PAK5: variants seen among roughly 807,000 people sequenced by gnomAD.
The protein encoded by PAK5 is serine/threonine-protein kinase PAK 5.
Under a neutral mutation model 65.9 loss-of-function variants are expected in PAK5, and 16 were observed. The ratio of observed to expected loss-of-function variants is 0.24; its 90% CI spans 0.16 to 0.37. The LOEUF is 0.37. PAK5 is among the 10% of genes least tolerant of loss of function. PAK5 has a pLI of 1.00. For synonymous variants in PAK5, 371 were observed against 354.9 expected (o/e 1.05, Z -0.51); for missense variants, 785 against 903.9 (o/e 0.87, Z 1.69).
At chr20:9,743,712 G>A (rs1370063810) in intron 1 of PAK5, among the ~76,000 whole-genome samples, 1 of 152,128 alleles carries the variant, frequency 6.6e-6, no homozygotes, top group African/African-American at 2.4e-5. Context: ...ACAACAATGT[G>A]CTAGAAACAA....
intron 7 of PAK5, among the ~76,000 whole-genome samples, chr20:9,546,726 C>T (rs780759892): frequency 6.6e-6 from 1 of 152,102 alleles, no homozygotes; most frequent in Non-Finnish European, 1.5e-5. Context: ...AGGTAAGAAC[C>T]GGGAGTTGCT....
At chr20:9,563,116 T>C in intron 5 of PAK5, 92 bp from the exon 6 acceptor site, 1 of 1,093,012 alleles carries the variant, frequency 9.1e-7, no homozygotes, top group Non-Finnish European at 1.4e-6. Flanking sequence ...GTAAACTGAT[T>C]GAGAGGTACT....
chr20:9,816,870 C>G (rs906446150), intron 1 of PAK5, among the ~76,000 whole-genome samples: 1 of 152,144 alleles, frequency 6.6e-6, no homozygotes, highest in Non-Finnish European at 1.5e-5. Context: ...GTAACCATTA[C>G]TATGCAGATG....
chr20:9,664,772 G>A (rs2423395), intron 2 of PAK5, among the ~76,000 whole-genome samples: 77,680 of 151,824 alleles, frequency 0.51, 21,582 homozygotes, highest in East Asian at 0.81. Context: ...GTTACATATT[G>A]TAGCCTCATA....
chr20:9,762,475 A>C (rs182105556), intron 1 of PAK5, among the ~76,000 whole-genome samples: 2 of 152,234 alleles, frequency 1.3e-5, no homozygotes, highest in African/African-American at 4.8e-5. Context: ...GAACAGATAT[A>C]TCTCCACAGA....
At chr20:9,540,790 G>C (rs2045249354) in intron 9 of PAK5, among the ~76,000 whole-genome samples, 1 of 150,416 alleles carries the variant, frequency 6.6e-6, no homozygotes, top group Non-Finnish European at 1.5e-5. Context: ...AGGCTGGAGT[G>C]CAGTGGTGCG....
intron 2 of PAK5, among the ~76,000 whole-genome samples, chr20:9,691,423 A>G (rs923698234): frequency 6.6e-6 from 1 of 152,216 alleles, no homozygotes; most frequent in Admixed American, 6.5e-5. Flanking sequence ...CACGAAAATC[A>G]TAAGACTCTA....
rs2045198410 is a variant in PAK5, at chr20:9,538,019, C to T, written c.*1443G>A. On this transcript the variant is annotated 3_prime_UTR_variant, in exon 10 of 10. Coordinates refer to ENST00000353224, the MANE Select transcript of PAK5 (RefSeq NM_177990.4). ...ATAGTTAAGAAAAGCCTCTGTTTTC[C>T]CAGTTTGGTAACAAATGGCTTTTGT... 1 of 232,398 alleles carries T rather than the reference C, an allele frequency of 4.3e-6. No individual in the cohort carries two copies. The highest frequency in any genetic ancestry group is 8.5e-6 in the Non-Finnish European group (1 of 117,454). The allele number at this position is 232,398 out of a possible 1,614,324, so 14.4% of individuals were successfully genotyped here.
chr20:9,581,400 C>A (rs562514314), intron 3 of PAK5, among the ~76,000 whole-genome samples: 1 of 152,100 alleles, frequency 6.6e-6, no homozygotes, highest in Non-Finnish European at 1.5e-5. Flanking sequence ...GGCATTATCA[C>A]CCAACTATTA....
chr20:9,561,210 GA>G (rs1009825766), intron 6 of PAK5, among the ~76,000 whole-genome samples: 1 of 152,130 alleles, frequency 6.6e-6, no homozygotes, highest in Non-Finnish European at 1.5e-5. Flanking sequence ...AATTAGAAAA[GA>G]AAATGGATTT....
At chr20:9,678,541 TG>T (rs2047606940) in intron 2 of PAK5, among the ~76,000 whole-genome samples, 1 of 152,156 alleles carries the variant, frequency 6.6e-6, no homozygotes, top group African/African-American at 2.4e-5. Flanking sequence ...CACTCCAGCC[TG>T]GGTGACAGAG....
chr20:9,793,810 A>C (rs1047420152), intron 1 of PAK5, among the ~76,000 whole-genome samples: 8 of 152,160 alleles, frequency 5.3e-5, no homozygotes, highest in African/African-American at 1.9e-4. Flanking sequence ...CATTTGACCC[A>C]GAAATCCCAT....
chr20:9,754,020 C>T (rs1327180657), intron 1 of PAK5, among the ~76,000 whole-genome samples: 1 of 152,150 alleles, frequency 6.6e-6, no homozygotes, highest in Non-Finnish European at 1.5e-5. Flanking sequence ...CATCCAAGGG[C>T]TCCTACCTAA....
Position 9,764,995 on chromosome 20 carries a change from T to A in PAK5, c.-161-53560A>T, listed in dbSNP as rs370964003. 1.8e-4 allele frequency among the ~76,000 whole-genome samples: 27 copies of A among 152,244 alleles called. 1 individual carries two copies. Among genetic ancestry groups the A allele is most frequent in the Admixed American group, 1.3e-3 (20 of 15,288 alleles). ...CTAGCTTTAGGCAATGACCTATGAG[T>A]GGAATTGATAAATCACTTTTGCACT... is the stretch of plus-strand genomic sequence containing the variant. On this transcript the variant is annotated intron_variant, in intron 1 of 9. Coordinates refer to ENST00000353224, the MANE Select transcript of PAK5 (RefSeq NM_177990.4).
chr20:9,798,289 T>C lies in PAK5; in HGVS notation c.-162+40473A>G, dbSNP rs16996418. On this transcript the variant is annotated intron_variant, in intron 1 of 9. Transcript: ENST00000353224. The stretch of plus-strand genomic sequence containing the variant: ...TTCATAGCTATTGCTACGTGTGTAA[T>C]GTAAAGATGGGAAATCCTAGAGCAA... Among the ~76,000 whole-genome samples, 148 of 152,186 alleles carry C rather than the reference T, an allele frequency of 9.7e-4. 1 individual carries two copies. Among genetic ancestry groups the C allele is most frequent in the African/African-American group, 3.2e-3 (131 of 41,536 alleles).
intron 1 of PAK5, among the ~76,000 whole-genome samples, chr20:9,821,183 C>T (rs935869259): frequency 5.9e-5 from 9 of 152,094 alleles, no homozygotes; most frequent in African/African-American, 2.2e-4. Flanking sequence ...GAGTTCGAGA[C>T]CAGCCTGGCC....
intron 1 of PAK5, among the ~76,000 whole-genome samples, chr20:9,730,969 G>T (rs541003698): frequency 6.6e-6 from 1 of 152,216 alleles, no homozygotes; most frequent in Non-Finnish European, 1.5e-5. Flanking sequence ...AGAAACATCA[G>T]TGAGGTCCAG....
intron 4 of PAK5, among the ~76,000 whole-genome samples, chr20:9,571,621 T>C (rs1221556636): frequency 6.6e-6 from 1 of 152,220 alleles, no homozygotes; most frequent in East Asian, 1.9e-4. Flanking sequence ...TTGATACTTA[T>C]TGAGTGCTTT....
At chr20:9,681,089 A>C (rs1600234827) in intron 2 of PAK5, among the ~76,000 whole-genome samples, 1 of 152,334 alleles carries the variant, frequency 6.6e-6, no homozygotes, top group Middle Eastern at 3.4e-3. Context: ...ACAGATATTA[A>C]GAATCGTTAT....
Sources: gnomAD v4.1 joint callset for allele counts (sites outside exome capture counted in the v4.1 genomes callset) on GRCh38, gnomAD v4.1.1 for gene constraint, MANE v1.5 for transcripts, NCBI Gene and HGNC (gene_info 2026-07-23, HGNC 2026-07-21) for gene names.